TCERG1L: variants seen among roughly 807,000 people sequenced by gnomAD.
The protein encoded by TCERG1L is transcription elongation regulator 1 like.
In TCERG1L, 37 loss-of-function variants were observed where a neutral mutation model predicts 56.3. The ratio of observed to expected loss-of-function variants is 0.66; its 90% confidence interval spans 0.51 to 0.87. The LOEUF is 0.87. Ranked by LOEUF, TCERG1L falls within the 40% of genes least tolerant of loss-of-function variation. TCERG1L has a pLI of 0.00. For synonymous variants in TCERG1L, 324 were observed against 326.3 expected, an observed-to-expected ratio of 0.99 and a Z score of 0.08; for missense variants, 799 against 774.2, an observed-to-expected ratio of 1.03 and a Z score of -0.38.
intron 3 of TCERG1L, among the ~76,000 whole-genome samples, chr10:131,285,001 C>CT (rs1367911370): frequency 6.6e-6 from 1 of 152,062 alleles, no homozygotes. Flanking sequence ...TCTTCCAAAA[C>CT]ATTAAAAAAA....
At chr10:131,216,299 A>G (rs1163481275) in intron 4 of TCERG1L, among the ~76,000 whole-genome samples, 1 of 152,100 alleles carries the variant, frequency 6.6e-6, no homozygotes, top group Non-Finnish European at 1.5e-5. Context: ...TGGGGCAAAG[A>G]GGAGCTCCCA....
intron 6 of TCERG1L, among the ~76,000 whole-genome samples, chr10:131,158,855 C>T (rs968064151): frequency 6.6e-6 from 1 of 152,206 alleles, no homozygotes; most frequent in Non-Finnish European, 1.5e-5. Context: ...GAGCTCTGGG[C>T]TTGGCCGCGA....
intron 7 of TCERG1L, among the ~76,000 whole-genome samples, chr10:131,137,988 G>C (rs1054098611): frequency 6.6e-6 from 1 of 152,166 alleles, no homozygotes; most frequent in African/African-American, 2.4e-5. Flanking sequence ...CATGCTAGAG[G>C]CTGAGTGCGA....
intron 4 of TCERG1L, among the ~76,000 whole-genome samples, chr10:131,255,107 A>G (rs1846153698): frequency 6.6e-6 from 1 of 152,194 alleles, no homozygotes; most frequent in Non-Finnish European, 1.5e-5. Context: ...GTGGTTTCAG[A>G]GAGTCCTGAG....
chr10:131,193,222 TGA>T (rs1936552859), intron 4 of TCERG1L, among the ~76,000 whole-genome samples: 1 of 152,114 alleles, frequency 6.6e-6, no homozygotes, highest in South Asian at 2.1e-4. Context: ...TTGTTGTTGT[TGA>T]GTTTTTTTGA....
rs1223939069 is a variant in TCERG1L at position 131,163,158 on chromosome 10, C to T, written c.998G>A (p.Arg333Lys). Reference protein sequence around the residue: ...GGEDSTARGNRPVASTPVPGS... With the variant: ...GGEDSTARGNKPVASTPVPGS... ...GGGCACCGGGGTGGAGGCCACTGGC[C>T]TGTTGCCTCTGGCTGTGCTGTCCTC... is the stretch of plus-strand genomic sequence containing the variant. Residue 333 changes from arginine to lysine, a missense_variant, in exon 6 of 12, where the codon AGG (arginine) becomes AAG (lysine). Transcript: ENST00000368642. 1 of 1,578,244 alleles carries T rather than the reference C, an allele frequency of 6.3e-7. No homozygotes were observed. The highest frequency in any genetic ancestry group is 2.3e-5 in the East Asian group (1 of 43,592).
chr10:131,297,345 CCTT>C (rs1846709518), intron 3 of TCERG1L, among the ~76,000 whole-genome samples: 1 of 152,060 alleles, frequency 6.6e-6, no homozygotes, highest in African/African-American at 2.4e-5. Context: ...TTATTACTTC[CCTT>C]CTTTTGATAA....
intron 7 of TCERG1L, among the ~76,000 whole-genome samples, chr10:131,137,934 G>A (rs1845693602): frequency 6.6e-6 from 1 of 152,268 alleles, no homozygotes; most frequent in Admixed American, 6.5e-5. Flanking sequence ...CAGCTCTCTG[G>A]AAGCAGATCA....
chr10:131,284,125 C>CAAAAAAAAAAAAAAAAA (rs10534180), intron 3 of TCERG1L, among the ~76,000 whole-genome samples: 1 of 116,400 alleles, frequency 8.6e-6, no homozygotes, highest in Non-Finnish European at 1.8e-5. Context: ...GACCACATCT[C>CAAAAAAAAAAAAAAAAA]AAAAAAAAAA....
intron 9 of TCERG1L, among the ~76,000 whole-genome samples, chr10:131,112,235 T>A (rs1222694633): frequency 1.4e-5 from 2 of 142,688 alleles, no homozygotes; most frequent in African/African-American, 4.9e-5. Flanking sequence ...CACGCCCCTG[T>A]CCCCGAGCTC....
chr10:131,195,380 G>C, intron 4 of TCERG1L, among the ~76,000 whole-genome samples: 1 of 152,256 alleles, frequency 6.6e-6, no homozygotes, highest in South Asian at 2.1e-4. Flanking sequence ...TGAGAGGCTC[G>C]GGGCCCTGCA....
At chr10:131,265,881 C>A (rs1846279937) in intron 3 of TCERG1L, among the ~76,000 whole-genome samples, 1 of 152,196 alleles carries the variant, frequency 6.6e-6, no homozygotes, top group South Asian at 2.1e-4. Context: ...GCCAATTTCA[C>A]AAAAGAAGAC....
At chr10:131,213,084 G>A (rs1842740951) in intron 4 of TCERG1L, among the ~76,000 whole-genome samples, 1 of 152,244 alleles carries the variant, frequency 6.6e-6, no homozygotes, top group Non-Finnish European at 1.5e-5. Flanking sequence ...TCCATCAGAG[G>A]CTGTATGGGC....
chr10:131,150,086 C>T (rs982302475), intron 6 of TCERG1L, among the ~76,000 whole-genome samples: 1 of 152,194 alleles, frequency 6.6e-6, no homozygotes, highest in African/African-American at 2.4e-5. Context: ...CTGTGTTCCT[C>T]TCTAGCAACT....
intron 4 of TCERG1L, among the ~76,000 whole-genome samples, chr10:131,171,144 CAAACAAAAACAA>C (rs151263531): frequency 2.9e-5 from 4 of 138,212 alleles, no homozygotes; most frequent in African/African-American, 1.1e-4. Context: ...GGCTCCATCT[CAAACAAAAACAA>C]AAACAAAAAC....
intron 4 of TCERG1L, among the ~76,000 whole-genome samples, chr10:131,170,052 C>A (rs1846073165): frequency 6.6e-6 from 1 of 152,180 alleles, no homozygotes; most frequent in Admixed American, 6.5e-5. Context: ...CCCCCAGTCA[C>A]AGACACACAC....
intron 4 of TCERG1L, among the ~76,000 whole-genome samples, chr10:131,243,105 T>C (rs920515646): frequency 1.3e-5 from 2 of 152,130 alleles, no homozygotes; most frequent in African/African-American, 4.8e-5. Context: ...AGTTAGAAAA[T>C]ACCATTGTGT....
chr10:131,161,284 C>T (rs1370837345), intron 6 of TCERG1L: 1 of 152,170 alleles, frequency 6.6e-6, no homozygotes, highest in African/African-American at 2.4e-5. Flanking sequence ...ACGGTCTACA[C>T]CATGCAGCCC....
At chr10:131,173,978 C>G (rs1313117781) in intron 4 of TCERG1L, among the ~76,000 whole-genome samples, 1 of 152,184 alleles carries the variant, frequency 6.6e-6, no homozygotes, top group Non-Finnish European at 1.5e-5. Flanking sequence ...TGGGACCAAA[C>G]CCCTCAAGAA....
Sources: gnomAD v4.1 joint callset for allele counts (sites outside exome capture counted in the v4.1 genomes callset) on GRCh38, gnomAD v4.1.1 for gene constraint, MANE v1.5 for transcripts, NCBI Gene and HGNC (gene_info 2026-07-23, HGNC 2026-07-21) for gene names.